Variants in ALK observed in about 807,000 individuals in gnomAD.
The protein encoded by ALK is ALK tyrosine kinase receptor.
In ALK, 74 loss-of-function variants were observed where a neutral mutation model predicts 163.1. The observed-to-expected ratio is 0.45, with a 90% CI of 0.38 to 0.55. The LOEUF (loss-of-function observed/expected upper bound fraction) is 0.55. Ranked by LOEUF, ALK falls within the 20% of genes least tolerant of loss-of-function variation. The probability of loss-of-function intolerance (pLI) is 0.00; values close to 1 mark genes in which losing one functional copy is unlikely to be tolerated. For missense variants in ALK, 2,063 were observed against 2,105.3 expected (o/e 0.98, Z 0.39); for synonymous variants, 960 against 843.2 (o/e 1.14, Z -2.40).
chr2:29,304,712 C>A (rs1666457957), intron 8 of ALK, among the ~76,000 whole-genome samples: 2 of 152,120 alleles, frequency 1.3e-5, no homozygotes, highest in Admixed American at 1.3e-4. Context: ...TGCTTCAAGG[C>A]CAATGTGTAT....
chr2:29,853,221 C>A (rs1446621184), intron 1 of ALK, among the ~76,000 whole-genome samples: 1 of 152,174 alleles, frequency 6.6e-6, no homozygotes, highest in Non-Finnish European at 1.5e-5. Context: ...CACTCCCCAG[C>A]TTCTGCACAG....
chr2:29,882,498 A>T (rs1666891165), intron 1 of ALK, among the ~76,000 whole-genome samples: 1 of 152,192 alleles, frequency 6.6e-6, no homozygotes. Flanking sequence ...GATCAAGACC[A>T]GCCTGGCCAA....
intron 2 of ALK, among the ~76,000 whole-genome samples, chr2:29,708,030 A>G (rs973044158): frequency 6.6e-6 from 1 of 152,160 alleles, no homozygotes; most frequent in African/African-American, 2.4e-5. Context: ...AGAGGCTGGA[A>G]GACCTTTTGT....
intron 11 of ALK, among the ~76,000 whole-genome samples, chr2:29,253,305 G>A (rs1445801285): frequency 6.6e-6 from 1 of 152,182 alleles, no homozygotes; most frequent in Non-Finnish European, 1.5e-5. Flanking sequence ...CACACGAGGG[G>A]TGATGTGGAA....
chr2:29,696,530 TAAAAAAAAAAA>T (rs60320646), intron 2 of ALK, among the ~76,000 whole-genome samples: 1 of 103,850 alleles, frequency 9.6e-6, no homozygotes, highest in African/African-American at 3.6e-5. Flanking sequence ...CTTAAAGGAT[TAAAAAAAAAAA>T]AAAAAAAAAA....
intron 3 of ALK, among the ~76,000 whole-genome samples, chr2:29,608,961 G>C (rs890022008): frequency 6.6e-6 from 1 of 152,124 alleles, no homozygotes; most frequent in Non-Finnish European, 1.5e-5. Context: ...GTCTTGCTCT[G>C]TCATTCAGGC....
intron 1 of ALK, among the ~76,000 whole-genome samples, chr2:29,797,029 TAC>T (rs568655494): frequency 7.6e-6 from 1 of 131,782 alleles, no homozygotes; most frequent in Non-Finnish European, 1.7e-5. Context: ...CACACACACA[TAC>T]ACACACATAT....
At chr2:29,893,370 T>C (rs531026998) in intron 1 of ALK, among the ~76,000 whole-genome samples, 5 of 152,318 alleles carry the variant, frequency 3.3e-5, no homozygotes, top group East Asian at 3.9e-4. Context: ...AGCCTCAATA[T>C]CATTTTATAT....
intron 3 of ALK, among the ~76,000 whole-genome samples, chr2:29,665,870 T>G (rs1307862801): frequency 6.6e-6 from 1 of 152,100 alleles, no homozygotes; most frequent in Non-Finnish European, 1.5e-5. Flanking sequence ...ATACCATGAA[T>G]TTCACTTACG....
intron 4 of ALK, among the ~76,000 whole-genome samples, chr2:29,408,081 C>CTT (rs760683752): frequency 0.17 from 24,067 of 140,102 alleles, 2,759 homozygotes; most frequent in African/African-American, 0.26. Context: ...AGGGAAAGTT[C>CTT]TTTTTCTTTT....
At chr2:29,374,611 A>G (rs925259862) in intron 5 of ALK, among the ~76,000 whole-genome samples, 2 of 152,178 alleles carry the variant, frequency 1.3e-5, no homozygotes, top group Non-Finnish European at 1.5e-5. Context: ...AGAAAATACT[A>G]TTTAAGCTGG....
intron 1 of ALK, among the ~76,000 whole-genome samples, chr2:29,896,300 TC>T (rs1391303243): frequency 6.6e-6 from 1 of 152,076 alleles, no homozygotes; most frequent in African/African-American, 2.4e-5. Context: ...AGAGGGAATG[TC>T]TTGACAAAAG....
At chr2:29,231,506 A>G (rs62130595) in intron 15 of ALK, among the ~76,000 whole-genome samples, 20,327 of 152,206 alleles carry the variant, frequency 0.13, 1,769 homozygotes, top group African/African-American at 0.25. Flanking sequence ...CAACAGAGGC[A>G]GAGGTGCTTC....
At chr2:29,228,782 C>G in intron 16 of ALK, 102 bp downstream of exon 16, 1 of 816,076 alleles carries the variant, frequency 1.2e-6, no homozygotes. Context: ...ACAGTCCACA[C>G]TTGGGCAGGC....
At chr2:29,540,889 T>C (rs1673395370) in intron 3 of ALK, among the ~76,000 whole-genome samples, 1 of 152,154 alleles carries the variant, frequency 6.6e-6, no homozygotes, top group African/African-American at 2.4e-5. Flanking sequence ...CAGTAATACA[T>C]GAACTCACAA....
intron 3 of ALK, among the ~76,000 whole-genome samples, chr2:29,548,817 T>A (rs751558289): frequency 6.6e-6 from 1 of 152,214 alleles, no homozygotes; most frequent in Non-Finnish European, 1.5e-5. Context: ...TCATATTTCT[T>A]ATTTACCTTG....
At chr2:29,721,474 T>A (rs541214058) in intron 1 of ALK, among the ~76,000 whole-genome samples, 2 of 152,312 alleles carry the variant, frequency 1.3e-5, no homozygotes, top group South Asian at 4.1e-4. Flanking sequence ...CTCAGTTCAC[T>A]CTCTCTCTTT....
rs182324363 is a variant in ALK, at chr2:29,239,633, G to A, written c.2355+47C>T. The A allele has an allele frequency of 8.0e-4, 1,289 of 1,610,238 alleles. 10 individuals carry two copies. The highest frequency in any genetic ancestry group is 3.1e-3 in the African/African-American group (232 of 75,016). ...GTTGGTGCCTCCAAGAGGCCTTCCC[G>A]GGGCCTGACAGAGTGCAGACGAGAA... On this transcript the variant is annotated intron_variant, in intron 13 of 28. Transcript: ENST00000389048.
intron 3 of ALK, among the ~76,000 whole-genome samples, chr2:29,548,658 C>T (rs1180583698): frequency 6.6e-6 from 1 of 152,030 alleles, no homozygotes; most frequent in East Asian, 1.9e-4. Flanking sequence ...ACAGGGATCC[C>T]GCCTGTCTTG....
Sources: gnomAD v4.1 joint callset for allele counts (sites outside exome capture counted in the v4.1 genomes callset) on GRCh38, gnomAD v4.1.1 for gene constraint, MANE v1.5 for transcripts, NCBI Gene and HGNC (gene_info 2026-07-23, HGNC 2026-07-21) for gene names.